The following SHANK2 variants were observed in gnomAD, a reference collection of about 807,000 sequenced individuals.
SHANK2 encodes the protein SH3 and multiple ankyrin repeat domains 2, also known as SH3 and multiple ankyrin repeat domains protein 2.
In SHANK2, 43 loss-of-function variants were observed where a neutral mutation model predicts 133.7. The ratio of observed to expected loss-of-function variants is 0.32; its 90% CI spans 0.25 to 0.41. The LOEUF (loss-of-function observed/expected upper bound fraction) is 0.41, where lower values mean the gene tolerates loss of function less well. Ranked by LOEUF, SHANK2 falls within the 10% of genes least tolerant of loss-of-function variation. The pLI, the probability that SHANK2 is intolerant of heterozygous loss-of-function variation, is 1.00. For missense variants in SHANK2, 1,994 were observed against 2,235.8 expected (o/e 0.89, Z 2.18); for synonymous variants, 1,017 against 952.8 (o/e 1.07, Z -1.24).
intron 2 of SHANK2, among the ~76,000 whole-genome samples, chr11:71,173,695 CTTCT>C (rs1953364538): frequency 6.6e-6 from 1 of 152,206 alleles, no homozygotes; most frequent in Non-Finnish European, 1.5e-5. Context: ...AGAATGAGAT[CTTCT>C]TTGAGAATAT....
rs868968263 is a variant in SHANK2, at chr11:70,789,496, G to C, written c.1777+8947C>G. Among the ~76,000 whole-genome samples the C allele has an allele frequency of 2.8e-4, 43 of 152,162 alleles. No individual in the cohort carries two copies. The Middle Eastern group carries it at 0.017, about 61-fold the overall frequency. ...CTACACTCACACCTTCTACCCAGTC[G>C]AGACCCCTGCACCAGGGAGTCAGCC... On this transcript the variant is annotated intron_variant, in intron 14 of 25. Coordinates refer to ENST00000601538, the MANE Select transcript of SHANK2 (RefSeq NM_012309.5).
chr11:70,605,265 C>T (rs2060559958), intron 17 of SHANK2, among the ~76,000 whole-genome samples: 1 of 152,244 alleles, frequency 6.6e-6, no homozygotes, highest in Non-Finnish European at 1.5e-5. Flanking sequence ...CGTTGTGAGC[C>T]CCGGGGGTGG....
intron 14 of SHANK2, among the ~76,000 whole-genome samples, chr11:70,726,827 A>G (rs1555030831): frequency 1.3e-5 from 2 of 152,236 alleles, no homozygotes; most frequent in South Asian, 2.1e-4. Flanking sequence ...TCTAGACTCC[A>G]AAAGGCCTCA....
intron 11 of SHANK2, among the ~76,000 whole-genome samples, chr11:70,848,733 G>A (rs1352666092): frequency 6.6e-6 from 1 of 152,194 alleles, no homozygotes; most frequent in Non-Finnish European, 1.5e-5. Flanking sequence ...GCAGTTCAGG[G>A]TCCGAGAAGC....
At chr11:71,130,295 G>T (rs571881627) in intron 3 of SHANK2, among the ~76,000 whole-genome samples, 16 of 152,194 alleles carry the variant, frequency 1.1e-4, no homozygotes, top group Non-Finnish European at 2.2e-4. Flanking sequence ...GCACTGCTGA[G>T]TAAGACACAT....
At chr11:70,546,080 AT>A (rs1554976333) in intron 17 of SHANK2, among the ~76,000 whole-genome samples, 1 of 146,550 alleles carries the variant, frequency 6.8e-6, no homozygotes, top group Non-Finnish European at 1.5e-5. Flanking sequence ...GTTGTTTTTT[AT>A]AAATTTATTT....
intron 4 of SHANK2, among the ~76,000 whole-genome samples, chr11:71,113,832 C>T (rs1221051416): frequency 6.6e-6 from 1 of 152,258 alleles, no homozygotes; most frequent in African/African-American, 2.4e-5. Context: ...ACCTCCTGTA[C>T]TCCTGCAACC....
intron 8 of SHANK2, among the ~76,000 whole-genome samples, chr11:71,086,825 T>C (rs1021418104): frequency 7.9e-4 from 121 of 152,240 alleles, no homozygotes; most frequent in African/African-American, 2.8e-3. Flanking sequence ...CCTTATCTGC[T>C]CCGTCCCTTA....
chr11:70,587,359 G>A (rs538511345), intron 17 of SHANK2, among the ~76,000 whole-genome samples: 5 of 152,190 alleles, frequency 3.3e-5, no homozygotes, highest in Non-Finnish European at 5.9e-5. Flanking sequence ...GGGGAGAAGC[G>A]GGGAGAGCGA....
At chr11:70,524,738 G>T (rs571021330) in intron 17 of SHANK2, among the ~76,000 whole-genome samples, 1 of 152,356 alleles carries the variant, frequency 6.6e-6, no homozygotes, top group Non-Finnish European at 1.5e-5. Flanking sequence ...TGCAAAGAAG[G>T]GTGGGGGAAG....
chr11:71,124,008 G>T (rs1263309374), intron 3 of SHANK2, among the ~76,000 whole-genome samples: 5 of 151,208 alleles, frequency 3.3e-5, no homozygotes, highest in Non-Finnish European at 7.4e-5. Flanking sequence ...GATGATGAGG[G>T]TGGTTGTAAT....
intron 13 of SHANK2, among the ~76,000 whole-genome samples, chr11:70,799,038 T>G (rs1555049876): frequency 6.6e-6 from 1 of 152,150 alleles, no homozygotes; most frequent in Non-Finnish European, 1.5e-5. Context: ...GCAGATGGCC[T>G]GGAGGAAAGA....
intron 2 of SHANK2, among the ~76,000 whole-genome samples, chr11:71,155,274 C>T (rs111725005): frequency 8.7e-6 from 1 of 115,576 alleles, no homozygotes; most frequent in African/African-American, 3.6e-5. Context: ...CCCCAGCCCA[C>T]GCTCCCAGAG....
Position 70,470,286 on chromosome 11 carries a change from A to G in SHANK2, c.*2583T>C, listed in dbSNP as rs55678639. 41,517 of 152,310 alleles carry G rather than the reference A, an allele frequency of 0.27. 6,312 individuals carry two copies. Among genetic ancestry groups the G allele is most frequent in the Non-Finnish European group, 0.34 (22,958 of 67,988 alleles). The allele number at this position is 152,310 out of a possible 1,614,324, so 9.4% of individuals were successfully genotyped here. On this transcript the variant is annotated 3_prime_UTR_variant, in exon 26 of 26. Transcript: ENST00000601538. Reference sequence around the variant, plus strand: ...AGACAGTGTAAAAATAAACTATGTTATCAGCTCTTTAGTCTTGCAGCCAGC... The same window carrying G: ...AGACAGTGTAAAAATAAACTATGTTGTCAGCTCTTTAGTCTTGCAGCCAGC...
chr11:71,138,693 G>A (rs1555105209), intron 3 of SHANK2, among the ~76,000 whole-genome samples: 1 of 151,574 alleles, frequency 6.6e-6, no homozygotes, highest in Non-Finnish European at 1.5e-5. Flanking sequence ...GCGTGCACTT[G>A]GGAAGCTGAA....
intron 17 of SHANK2, among the ~76,000 whole-genome samples, chr11:70,648,806 C>G (rs782276722): frequency 6.6e-6 from 1 of 152,174 alleles, no homozygotes; most frequent in East Asian, 1.9e-4. Context: ...AAGTTCTATC[C>G]TGGCTGTGCT....
chr11:71,096,491 C>A (rs536293526), intron 6 of SHANK2, among the ~76,000 whole-genome samples: 1 of 152,256 alleles, frequency 6.6e-6, no homozygotes, highest in East Asian at 1.9e-4. Context: ...TCCCTGGTGG[C>A]ATCCAGGCTG....
Position 70,709,066 on chromosome 11 carries a change from C to A in SHANK2, c.1778-10303G>T, listed in dbSNP as rs1016604271. 7.9e-5 allele frequency among the ~76,000 whole-genome samples: 12 copies of A among 152,308 alleles called. No homozygotes were observed. The East Asian group carries it at 2.1e-3, about 27-fold the overall frequency. ...TCTCTACAAAAAATACACAAATTAG[C>A]TGGGCATGGTGGCATGTGCCTATAA... is the stretch of plus-strand genomic sequence containing the variant. On this transcript the variant is annotated intron_variant, in intron 14 of 25. Coordinates refer to ENST00000601538, the MANE Select transcript of SHANK2 (RefSeq NM_012309.5).
At chr11:70,589,314 A>C (rs535352521) in intron 17 of SHANK2, among the ~76,000 whole-genome samples, 3 of 152,266 alleles carry the variant, frequency 2.0e-5, no homozygotes, top group African/African-American at 4.8e-5. Flanking sequence ...TGTGAAACCT[A>C]CTCTGCTTGT....
Sources: gnomAD v4.1 joint callset for allele counts (sites outside exome capture counted in the v4.1 genomes callset) on GRCh38, gnomAD v4.1.1 for gene constraint, MANE v1.5 for transcripts, NCBI Gene and HGNC (gene_info 2026-07-23, HGNC 2026-07-21) for gene names.